The following PTPRD variants were observed in gnomAD, a reference collection of about 807,000 sequenced individuals.
PTPRD encodes the protein protein tyrosine phosphatase receptor type D.
Under a neutral mutation model 214.5 loss-of-function variants are expected in PTPRD, and 34 were observed. That is an observed-to-expected ratio of 0.16 (90% CI 0.12 to 0.21). The LOEUF (loss-of-function observed/expected upper bound fraction) is 0.21, where lower values mean the gene tolerates loss of function less well. Among genes scored for constraint, PTPRD ranks in the 10% least tolerant of loss-of-function variants. The probability of loss-of-function intolerance (pLI) is 1.00; values close to 1 mark genes in which losing one functional copy is unlikely to be tolerated. For missense variants in PTPRD, 2,545 were observed against 2,398.7 expected (o/e 1.06, Z -1.27); for synonymous variants, 1,128 against 845.7 (o/e 1.33, Z -5.79).
intron 2 of PTPRD, among the ~76,000 whole-genome samples, chr9:10,523,786 T>G (rs544136725): frequency 6.6e-6 from 1 of 151,558 alleles, no homozygotes; most frequent in East Asian, 1.9e-4. Context: ...TTGATAGAAG[T>G]AAAAAGTCAA....
chr9:10,004,317 T>A (rs1457891301), intron 4 of PTPRD, among the ~76,000 whole-genome samples: 1 of 151,916 alleles, frequency 6.6e-6, no homozygotes, highest in Non-Finnish European at 1.5e-5. Context: ...AAGAGGGAAT[T>A]TGCCATGTGG....
At chr9:9,057,298 T>A (rs966688334) in intron 10 of PTPRD, among the ~76,000 whole-genome samples, 62 of 152,148 alleles carry the variant, frequency 4.1e-4, no homozygotes, top group African/African-American at 1.4e-3. Flanking sequence ...AATGATATAT[T>A]TTTTTTCTAA....
At chr9:9,461,686 T>G (rs935354657) in intron 8 of PTPRD, among the ~76,000 whole-genome samples, 1 of 152,164 alleles carries the variant, frequency 6.6e-6, no homozygotes, top group Non-Finnish European at 1.5e-5. Context: ...TAGAGAATTG[T>G]ACAGCCTCAC....
At chr9:9,398,607 A>G (rs1028387808) in intron 8 of PTPRD, among the ~76,000 whole-genome samples, 1 of 152,068 alleles carries the variant, frequency 6.6e-6, no homozygotes, top group Non-Finnish European at 1.5e-5. Flanking sequence ...TTAACAAAAA[A>G]ATAAAGAAAT....
chr9:10,107,792 A>T (rs1050085629), intron 3 of PTPRD, among the ~76,000 whole-genome samples: 1 of 152,142 alleles, frequency 6.6e-6, no homozygotes, highest in Non-Finnish European at 1.5e-5. Flanking sequence ...TGCAATGTCA[A>T]CTGCAATATG....
Position 9,265,654 on chromosome 9 carries a change from G to C in PTPRD, c.-202-82291C>G, listed in dbSNP as rs138429635. ...GTTGTTATCAACTTGAAATAGATCG[G>C]TCTAATCCTATTTTTTATGTAAGCC... On this transcript the variant is annotated intron_variant, in intron 9 of 45. Transcript: ENST00000381196. 6.8e-3 allele frequency among the ~76,000 whole-genome samples: 1,028 copies of C among 151,334 alleles called. 11 individuals are homozygous for C. The highest frequency in any genetic ancestry group is 0.024 in the African/African-American group (983 of 41,344).
intron 7 of PTPRD, among the ~76,000 whole-genome samples, chr9:9,646,343 G>GTGT (rs1564283935): frequency 1.4e-5 from 2 of 147,086 alleles, no homozygotes; most frequent in African/African-American, 5.3e-5. Context: ...GTGTGTGTGT[G>GTGT]GGTGTGTGTG....
chr9:8,868,705 G>A (rs1318848879), intron 11 of PTPRD, among the ~76,000 whole-genome samples: 1 of 138,176 alleles, frequency 7.2e-6, no homozygotes, highest in Non-Finnish European at 1.7e-5. Flanking sequence ...ATGATCCTTT[G>A]GCTGAATTCC....
At chr9:9,238,567 A>G (rs2099968512) in intron 9 of PTPRD, among the ~76,000 whole-genome samples, 1 of 152,088 alleles carries the variant, frequency 6.6e-6, no homozygotes, top group South Asian at 2.1e-4. Flanking sequence ...CAAAGTCTTG[A>G]CTGGAGGACA....
intron 9 of PTPRD, among the ~76,000 whole-genome samples, chr9:9,320,552 C>A (rs1595733325): frequency 6.6e-6 from 1 of 152,126 alleles, no homozygotes; most frequent in East Asian, 1.9e-4. Flanking sequence ...TAGTACACAC[C>A]AGTCCTTTAC....
chr9:9,336,369 C>T (rs1214023328), intron 9 of PTPRD, among the ~76,000 whole-genome samples: 1 of 152,068 alleles, frequency 6.6e-6, no homozygotes, highest in Non-Finnish European at 1.5e-5. Context: ...GTGCTATCAA[C>T]TTTTGGGTTC....
At chr9:10,581,360 A>C (rs1327218449) in intron 2 of PTPRD, among the ~76,000 whole-genome samples, 1 of 152,122 alleles carries the variant, frequency 6.6e-6, no homozygotes, top group African/African-American at 2.4e-5. Context: ...CATCTACTCC[A>C]CCCTTGAAAG....
Position 8,481,137 on chromosome 9 carries a change from C to T in PTPRD, c.3413+2982G>A, listed in dbSNP as rs868797208. Among the ~76,000 whole-genome samples, 211 of 78,414 alleles carry T rather than the reference C, an allele frequency of 2.7e-3. 2 individuals carry two copies. The highest frequency in any genetic ancestry group is 0.011 in the African/African-American group (197 of 17,958). 51.4% of individuals were successfully genotyped at this position (78,414 alleles called of 152,430 possible). A position where few individuals can be genotyped will look rare whatever the true frequency, so the allele number is the denominator to read the frequency against. The stretch of plus-strand genomic sequence containing the variant: ...CCTGGGCAACAGAGTTAGACTCCGT[C>T]TCAAAAAAAAAAAAAAAAAAAAAAA... On this transcript the variant is annotated intron_variant, in intron 30 of 45. Transcript: ENST00000381196.
intron 10 of PTPRD, among the ~76,000 whole-genome samples, chr9:9,057,905 A>G (rs2099699266): frequency 6.6e-6 from 1 of 152,192 alleles, no homozygotes; most frequent in Admixed American, 6.5e-5. Flanking sequence ...AGAAGTATAA[A>G]TATTATATAA....
intron 7 of PTPRD, among the ~76,000 whole-genome samples, chr9:9,618,055 G>C (rs2094997455): frequency 2.5e-5 from 2 of 78,698 alleles, no homozygotes; most frequent in South Asian, 8.5e-4. Context: ...CTGGGCGACA[G>C]AGCGAGACTC....
chr9:8,549,415 G>A (rs751818246), intron 14 of PTPRD, among the ~76,000 whole-genome samples: 7 of 152,162 alleles, frequency 4.6e-5, no homozygotes, highest in Non-Finnish European at 7.3e-5. Flanking sequence ...GAAAATGACA[G>A]CTGGAATCAT....
chr9:9,529,851 TATATATTTAA>T (rs1237825155), intron 8 of PTPRD, among the ~76,000 whole-genome samples: 1 of 151,552 alleles, frequency 6.6e-6, no homozygotes, highest in Non-Finnish European at 1.5e-5. Flanking sequence ...ACACTATATA[TATATATTTAA>T]ATATATTTAC....
At chr9:9,692,345 G>A (rs953136794) in intron 7 of PTPRD, among the ~76,000 whole-genome samples, 3 of 151,986 alleles carry the variant, frequency 2.0e-5, no homozygotes. Flanking sequence ...TTCTGCATAT[G>A]GATATCCAGT....
chr9:9,595,988 C>A (rs2093322474), intron 7 of PTPRD, among the ~76,000 whole-genome samples: 1 of 151,954 alleles, frequency 6.6e-6, no homozygotes, highest in Non-Finnish European at 1.5e-5. Context: ...CTATTAGTAT[C>A]CATCACAAGG....
Sources: gnomAD v4.1 joint callset for allele counts (sites outside exome capture counted in the v4.1 genomes callset) on GRCh38, gnomAD v4.1.1 for gene constraint, MANE v1.5 for transcripts, NCBI Gene and HGNC (gene_info 2026-07-23, HGNC 2026-07-21) for gene names.